TOR1AIP1: variants seen among roughly 807,000 people sequenced by gnomAD.
TOR1AIP1 encodes the protein torsin-1A-interacting protein 1.
Under a neutral mutation model 63.3 loss-of-function variants are expected in TOR1AIP1, and 54 were observed. That is an observed-to-expected ratio of 0.85 (90% CI 0.69 to 1.07). The LOEUF is 1.07. TOR1AIP1 is among the 50% of genes least tolerant of loss of function. The pLI is 0.00. For missense variants in TOR1AIP1, 736 were observed against 715.0 expected (o/e 1.03, Z -0.33); for synonymous variants, 294 against 273.5 (o/e 1.07, Z -0.74).
chr1:179,884,772 A>G lies in TOR1AIP1; in HGVS notation c.553+3A>G. 6.3e-7 allele frequency: 1 copy of G among 1,596,868 alleles called. No individual in the cohort carries two copies. The highest frequency in any genetic ancestry group is 8.5e-7 in the Non-Finnish European group (1 of 1,174,936). On this transcript the variant is annotated splice_donor_region_variant and intron_variant, in intron 2 of 9. Coordinates refer to ENST00000606911, the MANE Select transcript of TOR1AIP1 (RefSeq NM_015602.4). ...CAGGAGCATACAAGAGGCTCCAGGT[A>G]AGAATAGTTAACTTTTTGTTTTTCT...
intron 1 of TOR1AIP1, chr1:179,883,594 G>A: frequency 2.2e-6 from 1 of 456,216 alleles, no homozygotes; most frequent in Non-Finnish European, 4.4e-6. Flanking sequence ...GATAACTTGA[G>A]CTGATTGCTG....
chr1:179,905,756 C>A (rs1044845290), intron 6 of TOR1AIP1, among the ~76,000 whole-genome samples: 1 of 152,092 alleles, frequency 6.6e-6, no homozygotes, highest in African/African-American at 2.4e-5. Flanking sequence ...AGTTTGAGAC[C>A]AGCCTGGCCA....
At chr1:179,887,430 CT>C (rs1647943624) in intron 2 of TOR1AIP1, among the ~76,000 whole-genome samples, 1 of 151,862 alleles carries the variant, frequency 6.6e-6, no homozygotes, top group Non-Finnish European at 1.5e-5. Context: ...AAAGGACCAC[CT>C]TATAAAACAA....
At chr1:179,914,127 T>A in intron 9 of TOR1AIP1, 73 bp downstream of exon 9, 1 of 1,359,688 alleles carries the variant, frequency 7.4e-7, no homozygotes. Flanking sequence ...AAAAATGTTT[T>A]TTGACAGCAG....
At chr1:179,883,002 C>T (rs1156660174) in intron 1 of TOR1AIP1, 25 bp downstream of exon 1, 1 of 1,589,190 alleles carries the variant, frequency 6.3e-7, no homozygotes, top group Non-Finnish European at 8.6e-7. Flanking sequence ...GGTAACAGTC[C>T]CAGCCGCGAG....
rs1376862055 is a variant in TOR1AIP1 at position 179,882,945 on chromosome 1, G to C, written c.443G>C (p.Arg148Thr). 4.3e-6 allele frequency: 7 copies of C among 1,613,540 alleles called. No individual in the cohort carries two copies. The highest frequency in any genetic ancestry group is 1.3e-5 in the African/African-American group (1 of 74,934). ...CTACAGCCGTCTCCTGTTATGACCA[G>C]GAGAGGGCTGCGGGACTCTCATTCC... ...PPLQPSPVMT[R>T]RGLRDSHSSE... Residue 148 changes from arginine to threonine, a missense_variant, in exon 1 of 10, where the codon AGG becomes ACG. By Grantham distance (71) the Arg-to-Thr change is moderately conservative. Coordinates refer to ENST00000606911, the MANE Select transcript of TOR1AIP1 (RefSeq NM_015602.4).
Position 179,882,813 on chromosome 1 carries a change from A to C in TOR1AIP1, c.311A>C (p.Tyr104Ser). The C allele has an allele frequency of 6.2e-7, 1 of 1,614,202 alleles. No individual in the cohort carries two copies. Among genetic ancestry groups the C allele is most frequent in the East Asian group, 2.2e-5 (1 of 44,874 alleles). ...AAAGAGGAAGTGAGAGAAAGCGCGTACTACCTTCGGTCTAGGCAGCGGAGG... is the reference window on the plus strand; with the variant it reads ...AAAGAGGAAGTGAGAGAAAGCGCGTCCTACCTTCGGTCTAGGCAGCGGAGG... ...SAKEEVRESA[Y>S]YLRSRQRRQP... Residue 104 changes from tyrosine (Y) to serine (S), a missense_variant, in exon 1 of 10, where the codon TAC becomes TCC. Around this residue, in one of 2 missense-constraint regions of TOR1AIP1, gnomAD observed 464 missense variants for 371.0 expected, o/e 1.25. Transcript: ENST00000606911.
At chr1:179,915,829 T>TA (rs1395442551) in intron 9 of TOR1AIP1, among the ~76,000 whole-genome samples, 15 of 152,342 alleles carry the variant, frequency 9.8e-5, no homozygotes, top group East Asian at 9.6e-4. Flanking sequence ...TTTAGGATTC[T>TA]AAAATCCTAA....
intron 7 of TOR1AIP1, 59 bp from the exon 8 acceptor site, chr1:179,908,546 A>G (rs544557008): frequency 1.5e-6 from 2 of 1,360,734 alleles, no homozygotes; most frequent in African/African-American, 1.4e-5. Flanking sequence ...TAACACTGGA[A>G]TATGGTATAA....
intron 1 of TOR1AIP1, chr1:179,883,987 AGCACGGTGATAGGCT>A (rs1485391838): frequency 4.6e-6 from 1 of 217,176 alleles, no homozygotes; most frequent in Non-Finnish European, 9.7e-6. Context: ...TTCAGCTTAG[AGCACGGTGATAGGCT>A]GCAAGTTTAC....
intron 3 of TOR1AIP1, among the ~76,000 whole-genome samples, chr1:179,891,715 A>C (rs1292645041): frequency 1.3e-5 from 2 of 151,824 alleles, no homozygotes; most frequent in Non-Finnish European, 2.9e-5. Flanking sequence ...ACAGATGACC[A>C]CCATGACACC....
chr1:179,917,650 A>C lies in TOR1AIP1; in HGVS notation c.1163A>C (p.Lys388Thr), dbSNP rs367617812. The change falls in exon 10 of 10, where the codon AAA (lysine) becomes ACA (threonine). Residue 388 changes from lysine to threonine, a missense_variant. Coordinates refer to ENST00000606911, the MANE Select transcript of TOR1AIP1 (RefSeq NM_015602.4). Reference sequence around the variant, plus strand: ...CAAGGTCAAGATGAGAAGCTGTGGAAAAGGAGCCAAACATTCCTGGAAAAA... The same window carrying C: ...CAAGGTCAAGATGAGAAGCTGTGGACAAGGAGCCAAACATTCCTGGAAAAA... ...KYQGQDEKLWKRSQTFLEKHL... is the reference protein window; with the variant it reads ...KYQGQDEKLWTRSQTFLEKHL... The C allele has an allele frequency of 7.4e-6, 12 of 1,614,238 alleles. No homozygotes were observed. The highest frequency in any genetic ancestry group is 1.0e-5 in the Non-Finnish European group (12 of 1,180,042).
intron 3 of TOR1AIP1, among the ~76,000 whole-genome samples, chr1:179,899,018 A>T (rs1648368002): frequency 6.6e-6 from 1 of 152,190 alleles, no homozygotes; most frequent in Non-Finnish European, 1.5e-5. Flanking sequence ...TATTATACTA[A>T]TCTAATTAAA....
intron 8 of TOR1AIP1, 67 bp downstream of exon 8, chr1:179,908,740 A>T: frequency 1.5e-6 from 2 of 1,327,494 alleles, no homozygotes; most frequent in South Asian, 2.5e-5. Context: ...TGACAAAAAT[A>T]TTTAGTTCTT....
At chr1:179,898,335 A>G (rs1296489055) in intron 3 of TOR1AIP1, among the ~76,000 whole-genome samples, 1 of 152,184 alleles carries the variant, frequency 6.6e-6, no homozygotes, top group East Asian at 1.9e-4. Flanking sequence ...GGTTTTTTGA[A>G]AATCAAATAG....
chr1:179,903,800 C>T (rs575841583), intron 5 of TOR1AIP1, among the ~76,000 whole-genome samples, 166 bp from the exon 6 acceptor site: 1 of 152,336 alleles, frequency 6.6e-6, no homozygotes, highest in East Asian at 1.9e-4. Flanking sequence ...AGAGCCACTG[C>T]ACCCAGCCTA....
rs183613903 is a variant in TOR1AIP1 at position 179,893,514 on chromosome 1, C to T, written c.610+4145C>T. Among the ~76,000 whole-genome samples, 977 of 152,228 alleles carry T rather than the reference C, an allele frequency of 6.4e-3. 9 individuals carry two copies. The highest frequency in any genetic ancestry group is 0.022 in the African/African-American group (901 of 41,538). On this transcript the variant is annotated intron_variant, in intron 3 of 9. Transcript: ENST00000606911. ...GGACTGTAGTGGTGCGATCTCAGCT[C>T]ACTGCAACCTCCACCTCCCAGGCTT...
At chr1:179,901,787 TATTA>T (rs1337688586) in intron 5 of TOR1AIP1, among the ~76,000 whole-genome samples, 1 of 152,094 alleles carries the variant, frequency 6.6e-6, no homozygotes, top group Non-Finnish European at 1.5e-5. Context: ...CAAACCAAAT[TATTA>T]ATTAACAAGT....
At chr1:179,907,913 CTTTTTTTT>C (rs34218138) in intron 7 of TOR1AIP1, 49 bp downstream of exon 7, 10 of 356,738 alleles carry the variant, frequency 2.8e-5, no homozygotes, top group Admixed American at 7.9e-5. Flanking sequence ...ATTCTTTTCT[CTTTTTTTT>C]TTTTTTTTTT....
Sources: gnomAD v4.1 joint callset for allele counts (sites outside exome capture counted in the v4.1 genomes callset) on GRCh38, gnomAD v4.1.1 for gene constraint, gnomAD v4.1.1 regional missense constraint, MANE v1.5 for transcripts, NCBI Gene and HGNC (gene_info 2026-07-23, HGNC 2026-07-21) for gene names.